Variants in FIP1L1 observed in about 807,000 individuals in gnomAD.
The protein encoded by FIP1L1 is pre-mRNA 3'-end-processing factor FIP1.
Under a neutral mutation model 84.6 loss-of-function variants are expected in FIP1L1, and 21 were observed. That is an observed-to-expected ratio of 0.25 (90% confidence interval 0.18 to 0.36). The LOEUF (loss-of-function observed/expected upper bound fraction) is 0.36. Ranked by LOEUF, FIP1L1 falls within the 10% of genes least tolerant of loss-of-function variation. The probability of loss-of-function intolerance (pLI) is 1.00; values close to 1 mark genes in which losing one functional copy is unlikely to be tolerated. For synonymous variants in FIP1L1, 263 were observed against 242.3 expected (o/e 1.09, Z -0.80); for missense variants, 526 against 751.1 (o/e 0.70, Z 3.50).
At chr4:53,454,097 G>A (rs1717635767) in intron 16 of FIP1L1, among the ~76,000 whole-genome samples, 1 of 152,088 alleles carries the variant, frequency 6.6e-6, no homozygotes, top group Admixed American at 6.5e-5. Context: ...TTTCTTGTAT[G>A]TGTTTTAAAA....
chr4:53,452,461 G>A (rs1483418383), intron 15 of FIP1L1, among the ~76,000 whole-genome samples: 2 of 152,036 alleles, frequency 1.3e-5, no homozygotes, highest in Admixed American at 6.6e-5. Context: ...CGGGATTACC[G>A]GCATGCACCA....
intron 12 of FIP1L1, among the ~76,000 whole-genome samples, chr4:53,426,814 G>A (rs950627290): frequency 2.0e-4 from 31 of 152,112 alleles, no homozygotes; most frequent in African/African-American, 3.1e-4. Flanking sequence ...TGGAGGTGGC[G>A]TAGAGCTGCT....
intron 13 of FIP1L1, among the ~76,000 whole-genome samples, chr4:53,439,582 G>T (rs1441266442): frequency 1.3e-5 from 2 of 151,934 alleles, no homozygotes; most frequent in Admixed American, 6.6e-5. Flanking sequence ...TAATAAATTA[G>T]ATTATTTTTT....
At chr4:53,427,321 C>CA (rs1764721191) in intron 12 of FIP1L1, among the ~76,000 whole-genome samples, 1 of 152,164 alleles carries the variant, frequency 6.6e-6, no homozygotes, top group Non-Finnish European at 1.5e-5. Context: ...GGGAGCTTAT[C>CA]AAAAATCCAG....
Position 53,410,081 on chromosome 4 carries a change from G to A in FIP1L1, c.816-4534G>A, listed in dbSNP as rs144126865. On this transcript the variant is annotated intron_variant, in intron 10 of 17. Transcript: ENST00000337488. Reference sequence around the variant, plus strand: ...AATGCAGAAATCACCCGTCTTCTGCGTCGCTCACGCTGGGAGCTGTAGACC... The same window carrying A: ...AATGCAGAAATCACCCGTCTTCTGCATCGCTCACGCTGGGAGCTGTAGACC... 7.0e-3 allele frequency among the ~76,000 whole-genome samples: 1,072 copies of A among 152,308 alleles called. 16 individuals are homozygous for A. Among genetic ancestry groups the A allele is most frequent in the African/African-American group, 0.025 (1,035 of 41,560 alleles).
intron 10 of FIP1L1, among the ~76,000 whole-genome samples, chr4:53,404,117 G>C (rs1293878811): frequency 1.3e-5 from 2 of 150,388 alleles, no homozygotes; most frequent in East Asian, 1.9e-4. Flanking sequence ...CCACTAACTC[G>C]TCATTTAGAA....
rs1236703454 is a variant in FIP1L1 at position 53,393,756 on chromosome 4, T to C, written c.705+2258T>C. ...CATTTGTGCACATATGCATAGATTT[T>C]CCCCCCGGCCCCCCCCCCCCCCCCC... On this transcript the variant is annotated intron_variant, in intron 9 of 17. Coordinates refer to ENST00000337488, the MANE Select transcript of FIP1L1 (RefSeq NM_030917.4). Among the ~76,000 whole-genome samples, 11 of 54,386 alleles carry C rather than the reference T, an allele frequency of 2.0e-4. No homozygotes were observed. In the East Asian group the frequency reaches 2.1e-3, roughly 10 times the overall value. The allele number at this position is 54,386 out of a possible 152,430, so 35.7% of individuals were successfully genotyped here. A position where few individuals can be genotyped will look rare whatever the true frequency, so the allele number is the denominator to read the frequency against.
chr4:53,391,786 G>A (rs1448851132), intron 9 of FIP1L1, among the ~76,000 whole-genome samples: 1 of 152,122 alleles, frequency 6.6e-6, no homozygotes, highest in East Asian at 1.9e-4. Context: ...AAAGTTAGTG[G>A]CAACAGATTA....
chr4:53,394,602 T>A (rs1448164132), intron 9 of FIP1L1, among the ~76,000 whole-genome samples: 1 of 152,190 alleles, frequency 6.6e-6, no homozygotes, highest in Non-Finnish European at 1.5e-5. Flanking sequence ...TGCTTTCTCA[T>A]CGCTGACTTA....
intron 11 of FIP1L1, among the ~76,000 whole-genome samples, chr4:53,423,775 G>A (rs1358249806): frequency 1.3e-5 from 2 of 152,056 alleles, no homozygotes; most frequent in African/African-American, 4.8e-5. Flanking sequence ...TCAGTTATAT[G>A]TTTTTAGAAA....
intron 15 of FIP1L1, 43 bp from the exon 16 acceptor site, chr4:53,452,877 T>A: frequency 6.6e-7 from 1 of 1,525,730 alleles, no homozygotes; most frequent in Non-Finnish European, 9.0e-7. Context: ...TTTGTTTTTT[T>A]AAAGTACCAT....
intron 6 of FIP1L1, 65 bp downstream of exon 6, chr4:53,389,938 T>C: frequency 1.6e-6 from 2 of 1,282,202 alleles, no homozygotes; most frequent in Non-Finnish European, 1.1e-6. Context: ...TAGGTCTTAA[T>C]AGCTTTTTTT....
intron 13 of FIP1L1, among the ~76,000 whole-genome samples, chr4:53,436,370 G>T (rs1045352527): frequency 6.6e-6 from 1 of 152,076 alleles, no homozygotes; most frequent in African/African-American, 2.4e-5. Context: ...AAAGGATTTT[G>T]TTTTTTTCTA....
At chr4:53,420,121 C>T (rs1249958186) in intron 11 of FIP1L1, among the ~76,000 whole-genome samples, 1 of 140,354 alleles carries the variant, frequency 7.1e-6, no homozygotes, top group Non-Finnish European at 1.5e-5. Context: ...TGGCGTGAAC[C>T]CGGGAGGCGG....
intron 10 of FIP1L1, among the ~76,000 whole-genome samples, chr4:53,413,063 G>A (rs1305286226): frequency 2.6e-5 from 4 of 152,014 alleles, no homozygotes; most frequent in African/African-American, 7.2e-5. Context: ...TGTTTAAACC[G>A]TATGTATGAT....
Position 53,458,654 on chromosome 4 carries a change from G to C in FIP1L1, c.1501G>C (p.Asp501His). ...AAAACATTTCTATTTCAATTTCAGC[G>C]ATGAAGAACGATACAGATACAGGGA... ...HSPTPSVFNS[D>H]EERYRYREYA... The change falls in exon 17 of 18, where the codon GAT becomes CAT. Residue 501 changes from aspartate to histidine, a missense_variant and splice_region_variant. Physicochemically the swap from Asp to His is moderately conservative, Grantham distance 81. Around this residue, in one of 6 missense-constraint regions of FIP1L1, gnomAD observed 89 missense variants for 169.0 expected, o/e 0.53. Transcript: ENST00000337488. The C allele has an allele frequency of 6.2e-7, 1 of 1,605,906 alleles. No homozygotes were observed. The highest frequency in any genetic ancestry group is 8.5e-7 in the Non-Finnish European group (1 of 1,176,336).
intron 13 of FIP1L1, 174 bp downstream of exon 13, chr4:53,428,357 A>G (rs940381158): frequency 6.0e-5 from 33 of 548,630 alleles, no homozygotes; most frequent in Admixed American, 1.9e-4. Context: ...CTATTTCAAT[A>G]TAGGAAAGAG....
intron 10 of FIP1L1, among the ~76,000 whole-genome samples, chr4:53,404,475 T>A (rs1752102827): frequency 6.6e-6 from 1 of 152,174 alleles, no homozygotes; most frequent in African/African-American, 2.4e-5. Context: ...TAGACATACG[T>A]GTGCATGTGT....
At chr4:53,385,081 C>T (rs1740211722) in intron 5 of FIP1L1, among the ~76,000 whole-genome samples, 1 of 152,008 alleles carries the variant, frequency 6.6e-6, no homozygotes, top group Admixed American at 6.6e-5. Flanking sequence ...GCTGATTTTT[C>T]ATGTTAGGGG....
Sources: allele counts gnomAD v4.1 joint callset (sites outside exome capture counted in the v4.1 genomes callset), GRCh38; gene constraint gnomAD v4.1.1; regional missense constraint gnomAD v4.1.1; transcripts MANE v1.5; gene names NCBI Gene and HGNC (gene_info 2026-07-23, HGNC 2026-07-21).